Variants in MOG observed in about 807,000 individuals in gnomAD.
MOG encodes myelin oligodendrocyte glycoprotein.
MOG carries 20 observed loss-of-function variants against 35.9 expected under a neutral mutation model. That is an observed-to-expected ratio of 0.56 (90% CI 0.39 to 0.81). The LOEUF is 0.81. Among genes scored for constraint, MOG ranks in the 30% least tolerant of loss-of-function variants. The pLI is 0.00. For missense variants in MOG, 251 were observed against 301.0 expected (o/e 0.83, Z 1.23); for synonymous variants, 92 against 114.3 (o/e 0.80, Z 1.25).
In MOG at chr6:29,670,180, T is replaced by C; in HGVS notation, c.593-101T>C. On this transcript the variant is annotated intron_variant, in intron 5 of 7. Coordinates refer to ENST00000376917, the MANE Select transcript of MOG (RefSeq NM_206809.4). This position sits in a 1 kb window ranked among gnomAD's most constrained non-coding sequence, Gnocchi z 4.2. ...TTCTGAATTTTGTCCCCAGAGTCCT[T>C]TGGTGTTCTAGGACCCCAGGTTAAG... 1 of 1,609,130 alleles carries C rather than the reference T, an allele frequency of 6.2e-7. No individual in the cohort carries two copies. Among genetic ancestry groups the C allele is most frequent in the Non-Finnish European group, 8.5e-7 (1 of 1,175,358 alleles).
chr6:29,670,634 A>C lies in MOG; in HGVS notation c.710-67A>C, dbSNP rs923516645. The C allele has an allele frequency of 1.6e-5, 25 of 1,599,570 alleles. No individual in the cohort carries two copies. In the African/African-American group the frequency reaches 2.8e-4, roughly 18 times the overall value. ...AGTGTGGGTCACTCCAAATGTCCAT[A>C]GGGAGGATGTGGGGAAGGTGCTATT... On this transcript the variant is annotated intron_variant, in intron 6 of 7. Transcript: ENST00000376917. This position sits in a 1 kb window ranked among gnomAD's most constrained non-coding sequence, Gnocchi z 4.2.
At chr6:29,661,889 G>C in intron 2 of MOG, 1 of 983,776 alleles carries the variant, frequency 1.0e-6, no homozygotes, top group Non-Finnish European at 1.2e-6. Context: ...AGGGGAGAAA[G>C]TTCTCTTTTG....
At position 29,671,902 on chromosome 6, in the gene MOG, T is replaced by C. The variant is rs533711700; in HGVS notation, c.*717T>C. The C allele has an allele frequency of 3.2e-4, 63 of 196,868 alleles. No homozygotes were observed. The highest frequency in any genetic ancestry group is 1.4e-3 in the African/African-American group (60 of 43,142). The allele number at this position is 196,868 out of a possible 1,614,324, so 12.2% of individuals were successfully genotyped here. ...TTTCCTTCCTCTCATCCTTTTCTCC[T>C]ATCTTCATATCTATCAGAGTATCCA... On this transcript the variant is annotated 3_prime_UTR_variant, in exon 8 of 8. Transcript: ENST00000376917.
chr6:29,671,121 T>C lies in MOG; in HGVS notation c.731-51T>C. 3.1e-6 allele frequency: 5 copies of C among 1,612,928 alleles called. 1 individual carries two copies. In the South Asian group the frequency reaches 5.5e-5, roughly 18 times the overall value. ...TCTTCTCCCTAGTTCAATGGTTTTA[T>C]GATACAAACTACTGACATACGTTTT... On this transcript the variant is annotated intron_variant, in intron 7 of 7. Coordinates refer to ENST00000376917, the MANE Select transcript of MOG (RefSeq NM_206809.4).
At chr6:29,664,514 C>T in intron 2 of MOG, 1 of 361,892 alleles carries the variant, frequency 2.8e-6, no homozygotes, top group Non-Finnish European at 5.4e-6. Context: ...CTGTAAACTA[C>T]CTTCTTAAAA....
chr6:29,664,020 A>T, intron 2 of MOG: 1 of 441,802 alleles, frequency 2.3e-6, no homozygotes, highest in Non-Finnish European at 3.0e-6. Flanking sequence ...GCAGCATGGC[A>T]CATGGAGATT....
chr6:29,667,741 C>G, intron 4 of MOG, 78 bp downstream of exon 4: 1 of 1,575,912 alleles, frequency 6.3e-7, no homozygotes, highest in Non-Finnish European at 8.7e-7. Context: ...GTTCTTGGAC[C>G]GTCTCTCCCT....
At chr6:29,665,401 T>A (rs535802667) in intron 2 of MOG, among the ~76,000 whole-genome samples, 1 of 152,172 alleles carries the variant, frequency 6.6e-6, no homozygotes, top group Admixed American at 6.6e-5. Flanking sequence ...TGGCCAATAT[T>A]TGTGATTTTT....
chr6:29,667,551 C>A, intron 3 of MOG, 92 bp from the exon 4 acceptor site: 1 of 1,308,484 alleles, frequency 7.6e-7, no homozygotes, highest in Non-Finnish European at 1.1e-6. Context: ...AGAGAAATAG[C>A]CTGCACAAGG....
At chr6:29,660,516 C>T (rs945125754) in intron 2 of MOG, among the ~76,000 whole-genome samples, 4 of 131,818 alleles carry the variant, frequency 3.0e-5, no homozygotes, top group East Asian at 2.2e-4. Flanking sequence ...GGGGACACAG[C>T]GAGACTCCGT....
At chr6:29,667,558 A>C in intron 3 of MOG, 85 bp from the exon 4 acceptor site, 1 of 1,401,892 alleles carries the variant, frequency 7.1e-7, no homozygotes, top group Admixed American at 1.7e-5. Context: ...TAGCCTGCAC[A>C]AGGGGCCCAG....
At chr6:29,660,586 A>G (rs1583097824) in intron 2 of MOG, among the ~76,000 whole-genome samples, 1 of 147,966 alleles carries the variant, frequency 6.8e-6, no homozygotes, top group East Asian at 2.0e-4. Context: ...ACACACACAC[A>G]CACCTGTGCT....
intron 3 of MOG, among the ~76,000 whole-genome samples, chr6:29,667,333 C>T (rs753792227): frequency 1.5e-4 from 23 of 152,262 alleles, no homozygotes; most frequent in Admixed American, 3.3e-4. Context: ...AAAGTGGCAA[C>T]GCAGTGGGCT....
At position 29,662,415 on chromosome 6, in the gene MOG, A is replaced by G. The variant is rs1403713937; in HGVS notation, c.436+2749A>G. Among the ~76,000 whole-genome samples the G allele has an allele frequency of 6.6e-6, 1 of 151,686 alleles. No individual in the cohort carries two copies. On this transcript the variant is annotated intron_variant, in intron 2 of 7. Transcript: ENST00000376917. The surrounding 1 kb of genome is among the most constrained non-coding windows in gnomAD (Gnocchi z 4.2). ...AGGAGAATCGCTTGAACCGGGAGGC[A>G]GAGGTTGCGGTGAGCCAAGATCGCG...
chr6:29,670,216 A>C lies in MOG; in HGVS notation c.593-65A>C, dbSNP rs866311302. Reference sequence around the variant, plus strand: ...GGACCCCAGGTTAAGGAACCAAAAAAGACAGGTGGGTGGGGCATGAGGGGG... The same window carrying C: ...GGACCCCAGGTTAAGGAACCAAAAACGACAGGTGGGTGGGGCATGAGGGGG... On this transcript the variant is annotated intron_variant, in intron 5 of 7. Transcript: ENST00000376917. The surrounding 1 kb of genome is among the most constrained non-coding windows in gnomAD (Gnocchi z 4.2). 1 of 1,614,232 alleles carries C rather than the reference A, an allele frequency of 6.2e-7. No homozygotes were observed. The highest frequency in any genetic ancestry group is 8.5e-7 in the Non-Finnish European group (1 of 1,180,040).
intron 1 of MOG, among the ~76,000 whole-genome samples, chr6:29,658,410 A>G (rs891787312): frequency 6.6e-6 from 1 of 152,202 alleles, no homozygotes; most frequent in Non-Finnish European, 1.5e-5. Flanking sequence ...AGGGTCCGGG[A>G]GCCACAGTGA....
rs529151841 is a variant in MOG, at chr6:29,657,788, C to A, written c.88+491C>A. On this transcript the variant is annotated intron_variant, in intron 1 of 7. Transcript: ENST00000376917. ...CTTCCCAAAGTACTGGGATTATGGG[C>A]GTGAGCCACTGCACTAGGCCTAATT... Among the ~76,000 whole-genome samples the A allele has an allele frequency of 1.0e-4, 15 of 149,570 alleles. No individual in the cohort carries two copies. The East Asian group carries it at 3.0e-3, about 30-fold the overall frequency.
chr6:29,670,946 T>G lies in MOG; in HGVS notation c.730+225T>G. The G allele has an allele frequency of 6.2e-7, 1 of 1,612,102 alleles. No homozygotes were observed. The highest frequency in any genetic ancestry group is 8.5e-7 in the Non-Finnish European group (1 of 1,179,640). ...CAGAGAAGCTGGAGGCACTCCTATCTGCCACCTGATCCATTCCTCCTTCAC... is the reference window on the plus strand; with the variant it reads ...CAGAGAAGCTGGAGGCACTCCTATCGGCCACCTGATCCATTCCTCCTTCAC... On this transcript the variant is annotated intron_variant, in intron 7 of 7. Coordinates refer to ENST00000376917, the MANE Select transcript of MOG (RefSeq NM_206809.4). The surrounding 1 kb of genome is among the most constrained non-coding windows in gnomAD (Gnocchi z 4.2).
chr6:29,671,297 C>A lies in MOG; in HGVS notation c.*112C>A. 6.2e-7 allele frequency: 1 copy of A among 1,611,746 alleles called. No individual in the cohort carries two copies. Among genetic ancestry groups the A allele is most frequent in the Non-Finnish European group, 8.5e-7 (1 of 1,179,994 alleles). On this transcript the variant is annotated 3_prime_UTR_variant, in exon 8 of 8. Coordinates refer to ENST00000376917, the MANE Select transcript of MOG (RefSeq NM_206809.4). ...CTCACTGGCATCTTTGCTATGGGGACATTCCAATTTGCACTTTCAGGAACA... is the reference window on the plus strand; with the variant it reads ...CTCACTGGCATCTTTGCTATGGGGAAATTCCAATTTGCACTTTCAGGAACA...
Sources: gnomAD v4.1 joint callset for allele counts (sites outside exome capture counted in the v4.1 genomes callset) on GRCh38, gnomAD v4.1.1 for gene constraint, Gnocchi (gnomAD v3.1) non-coding constraint, MANE v1.5 for transcripts, NCBI Gene and HGNC (gene_info 2026-07-23, HGNC 2026-07-21) for gene names.